ATP13A2: variants seen among roughly 807,000 people sequenced by gnomAD.
ATP13A2 encodes the protein polyamine-transporting ATPase 13A2.
ATP13A2 carries 83 observed loss-of-function variants against 138.3 expected under a neutral mutation model. That is an observed-to-expected ratio of 0.60 (90% CI 0.50 to 0.72). ATP13A2 has a LOEUF of 0.72. Among genes scored for constraint, ATP13A2 ranks in the 30% least tolerant of loss-of-function variants. The probability of loss-of-function intolerance (pLI) is 0.00; values close to 1 mark genes in which losing one functional copy is unlikely to be tolerated. For synonymous variants in ATP13A2, 663 were observed against 699.0 expected (o/e 0.95, Z 0.81); for missense variants, 1,402 against 1,606.4 (o/e 0.87, Z 2.17).
At chr1:16,989,618 G>T in intron 23 of ATP13A2, 73 bp downstream of exon 23, 1 of 1,491,334 alleles carries the variant, frequency 6.7e-7, no homozygotes, top group Non-Finnish European at 9.3e-7. Flanking sequence ...CCCTGGGGAA[G>T]GACAGATGAA....
At position 16,993,704 on chromosome 1, in the gene ATP13A2, G is replaced by A; in HGVS notation, c.1674C>T (p.Cys558=). The A allele has an allele frequency of 6.3e-7, 1 of 1,595,474 alleles. No individual in the cohort carries two copies. The highest frequency in any genetic ancestry group is 8.5e-7 in the Non-Finnish European group (1 of 1,171,730). ...VGPLLRALAT[C]HALSRLQDTP... ...TGTCCTGGAGCCGGCTGAGGGCATGGCAGGTGGCCAGTGCTCGGAGCAGGG... is the reference window on the plus strand; with the variant it reads ...TGTCCTGGAGCCGGCTGAGGGCATGACAGGTGGCCAGTGCTCGGAGCAGGG... The change falls in exon 16 of 29, where the codon TGC becomes TGT. Residue 558 remains cysteine (C), a synonymous_variant. Coordinates refer to ENST00000326735, the MANE Select transcript of ATP13A2 (RefSeq NM_022089.4).
chr1:16,998,166 C>T (rs2077213027), intron 11 of ATP13A2, among the ~76,000 whole-genome samples: 1 of 152,196 alleles, frequency 6.6e-6, no homozygotes, highest in Non-Finnish European at 1.5e-5. Flanking sequence ...GGGCAGGGCT[C>T]AGGGCGTGTG....
intron 11 of ATP13A2, among the ~76,000 whole-genome samples, chr1:16,997,429 C>CA (rs2077179583): frequency 1.2e-5 from 1 of 86,094 alleles, no homozygotes; most frequent in African/African-American, 5.4e-5. Context: ...GGGGGTGGGT[C>CA]AGACAGAGCA....
chr1:16,988,139 G>C lies in ATP13A2; in HGVS notation c.2858C>G (p.Thr953Arg), dbSNP rs148721722. The C allele has an allele frequency of 6.2e-7, 1 of 1,612,428 alleles. No individual in the cohort carries two copies. The highest frequency in any genetic ancestry group is 8.5e-7 in the Non-Finnish European group (1 of 1,178,498). ...TQFISVLILY[T>R]INTNLGDLQF... is the part of the protein sequence containing the mutation. Reference sequence around the variant, plus strand: ...GTACGGAGCTCTGCAGATACTCACCGTGTAGAGGATCAGGACGGAGATGAA... The same window carrying C: ...GTACGGAGCTCTGCAGATACTCACCCTGTAGAGGATCAGGACGGAGATGAA... The change falls in exon 25 of 29, where the codon ACG becomes AGG. Residue 953 changes from threonine to arginine, a missense_variant and splice_region_variant. By Grantham distance (71) the Thr-to-Arg change is moderately conservative. Transcript: ENST00000326735.
intron 3 of ATP13A2, 28 bp downstream of exon 3, chr1:17,005,337 TGCGCTTCTC>T: frequency 1.3e-6 from 2 of 1,565,408 alleles, no homozygotes; most frequent in Middle Eastern, 2.0e-4. Flanking sequence ...TGACCCTCAC[TGCGCTTCTC>T]TAGCCCCAGG....
Position 16,993,738 on chromosome 1 carries a change from G to A in ATP13A2, c.1640C>T (p.Pro547Leu), listed in dbSNP as rs1389132088. 1 of 1,591,370 alleles carries A rather than the reference G, an allele frequency of 6.3e-7. No individual in the cohort carries two copies. Among genetic ancestry groups the A allele is most frequent in the Non-Finnish European group, 8.5e-7 (1 of 1,169,874 alleles). Reference protein sequence around the residue: ...LPLVPEPRRLPVGPLLRALAT... With the variant: ...LPLVPEPRRLLVGPLLRALAT... ...CAGTGCTCGGAGCAGGGGCCCCACAGGCAGGCGGCGAGGCTCTGGGACCAG... is the reference window on the plus strand; with the variant it reads ...CAGTGCTCGGAGCAGGGGCCCCACAAGCAGGCGGCGAGGCTCTGGGACCAG... Residue 547 changes from proline to leucine, a missense_variant, in exon 16 of 29, where the codon CCT becomes CTT. Physicochemically the swap from Pro to Leu is moderately conservative, Grantham distance 98. Coordinates refer to ENST00000326735, the MANE Select transcript of ATP13A2 (RefSeq NM_022089.4).
intron 8 of ATP13A2, 30 bp downstream of exon 8, chr1:17,002,004 G>A (rs1199567719): frequency 6.3e-7 from 1 of 1,597,110 alleles, no homozygotes; most frequent in Non-Finnish European, 8.5e-7. Context: ...CGCCAGGCAG[G>A]GCTGGGGCAA....
chr1:17,007,476 C>T lies in ATP13A2; in HGVS notation c.11-1698G>A, dbSNP rs1000804867. 9.3e-5 allele frequency among the ~76,000 whole-genome samples: 14 copies of T among 151,226 alleles called. 1 individual carries two copies. The highest frequency in any genetic ancestry group is 3.3e-4 in the Admixed American group (5 of 15,184). The stretch of plus-strand genomic sequence containing the variant: ...AGCTCACTAAGCTGGAAAAGCTGGG[C>T]GGGTGCGGGGTAGGCTGCTGATTTT... On this transcript the variant is annotated intron_variant, in intron 1 of 28. Coordinates refer to ENST00000326735, the MANE Select transcript of ATP13A2 (RefSeq NM_022089.4).
rs367745335 is a variant in ATP13A2, at chr1:17,005,465, C to T, written c.197G>A (p.Arg66His). The T allele has an allele frequency of 8.5e-5, 137 of 1,614,086 alleles. No homozygotes were observed. Among genetic ancestry groups the T allele is most frequent in the Non-Finnish European group, 1.0e-4 (122 of 1,180,046 alleles). Residue 66 changes from arginine (R) to histidine (H), a missense_variant, in exon 3 of 29, where the codon CGT (arginine) becomes CAT (histidine). Arg to His is a conservative substitution (Grantham distance 29, BLOSUM62 0). Transcript: ENST00000326735. ...MMAGIPLLLF[R>H]WKPLWGVRLR... is the part of the protein sequence containing the mutation. ...CCGCACCCCCCACAGGGGCTTCCAA[C>T]GGAAGAGCAGCAAAGGGATCCCAGC...
intron 12 of ATP13A2, 108 bp from the exon 13 acceptor site, chr1:16,996,604 T>C (rs1321593404): frequency 1.1e-6 from 1 of 882,984 alleles, no homozygotes; most frequent in East Asian, 2.6e-5. Context: ...ACATGATGTT[T>C]GTGAAATTAG....
intron 25 of ATP13A2, 64 bp from the exon 26 acceptor site, chr1:16,987,333 T>G: frequency 6.7e-7 from 1 of 1,487,854 alleles, no homozygotes; most frequent in East Asian, 2.4e-5. Flanking sequence ...CCTAGTCTGA[T>G]AGCAGAGGCC....
intron 11 of ATP13A2, among the ~76,000 whole-genome samples, chr1:16,999,298 T>C (rs1435582793): frequency 1.4e-5 from 2 of 146,018 alleles, no homozygotes; most frequent in African/African-American, 2.6e-5. Context: ...GAGAATCGCT[T>C]GAACCCAGGA....
In ATP13A2 at chr1:16,996,014, T is replaced by G. The variant is rs773844077; in HGVS notation, c.1504A>C (p.Asn502His). The change falls in exon 15 of 29, where the codon AAC becomes CAC. Residue 502 changes from asparagine to histidine, a missense_variant. Coordinates refer to ENST00000326735, the MANE Select transcript of ATP13A2 (RefSeq NM_022089.4). The stretch of plus-strand genomic sequence containing the variant: ...ACCAGCTGCAGCTTGCCCCCCAGGT[T>G]GATGCGCAGTGGGTGGATGCAGAAA... ...GIFCIHPLRI[N>H]LGGKLQLVCF... 6.2e-7 allele frequency: 1 copy of G among 1,614,076 alleles called. No homozygotes were observed. The highest frequency in any genetic ancestry group is 1.1e-5 in the South Asian group (1 of 91,088).
intron 1 of ATP13A2, among the ~76,000 whole-genome samples, chr1:17,010,083 T>TC (rs377345453): frequency 0.012 from 1,656 of 136,430 alleles, 22 homozygotes; most frequent in African/African-American, 0.033. Context: ...GATGGAGTCT[T>TC]CCCCCCCCGT....
rs772806062 is a variant in ATP13A2, at chr1:16,992,012, G to A, written c.2123C>T (p.Thr708Met). ...VPSLEAAQQL[T>M]RDTVEGDLSL... The stretch of plus-strand genomic sequence containing the variant: ...GTGGGACAGGAGACAGGCCCACCTC[G>A]TCAGTTGCTGGGCTGCCTCCAGGCT... Residue 708 changes from threonine to methionine, a missense_variant, in exon 19 of 29, where the codon ACG (threonine) becomes ATG (methionine). Physicochemically the swap from Thr to Met is moderately conservative, Grantham distance 81 (BLOSUM62 -1). Transcript: ENST00000326735. 23 of 1,612,354 alleles carry A rather than the reference G, an allele frequency of 1.4e-5. No homozygotes were observed. The highest frequency in any genetic ancestry group is 4.0e-5 in the African/African-American group (3 of 74,924).
At position 16,999,217 on chromosome 1, in the gene ATP13A2, C is replaced by T. The variant is rs569748873; in HGVS notation, c.1039+794G>A. ...CCAACGTGGTGAAACCCCATCTCAA[C>T]TAAAAATACAAAATTAGCCGGGTAT... On this transcript the variant is annotated intron_variant, in intron 11 of 28. Transcript: ENST00000326735. Among the ~76,000 whole-genome samples, 6 of 151,828 alleles carry T rather than the reference C, an allele frequency of 4.0e-5. No individual in the cohort carries two copies. The South Asian group carries it at 1.0e-3, about 26-fold the overall frequency.
At position 16,989,947 on chromosome 1, in the gene ATP13A2, C is replaced by G; in HGVS notation, c.2469G>C (p.Leu823=). 3 of 1,604,538 alleles carry G rather than the reference C, an allele frequency of 1.9e-6. 1 individual carries two copies. In the South Asian group the frequency reaches 3.3e-5, roughly 18 times the overall value. The change falls in exon 22 of 29, where the codon CTG becomes CTC. Residue 823 remains leucine, a synonymous_variant. Transcript: ENST00000326735. ...TVEPDPRSRH[L]ALSGPTFGII... ...TACCAAAGGTGGGCCCGCTGAGGGC[C>G]AGGTGCCTGGATCGGGGGTCTGGCT...
Position 17,011,001 on chromosome 1 carries a change from C to A in ATP13A2, c.10+728G>T, listed in dbSNP as rs1472932944. On this transcript the variant is annotated intron_variant, in intron 1 of 28. Transcript: ENST00000326735. The surrounding 1 kb of genome is among the most constrained non-coding windows in gnomAD (Gnocchi z 7.3). ...CTGTCTTTCCTCATTCCTTCCCCTC[C>A]CTCGCCGGGGGGTGCACTCTAGGCT... Among the ~76,000 whole-genome samples the A allele has an allele frequency of 6.6e-6, 1 of 152,120 alleles. No individual in the cohort carries two copies. Among genetic ancestry groups the A allele is most frequent in the African/African-American group, 2.4e-5 (1 of 41,428 alleles).
chr1:17,004,640 C>T lies in ATP13A2; in HGVS notation c.477+52G>A, dbSNP rs997322683. 6.2e-7 allele frequency: 1 copy of T among 1,613,808 alleles called. No individual in the cohort carries two copies. Among genetic ancestry groups the T allele is most frequent in the Middle Eastern group, 1.6e-4 (1 of 6,062 alleles). On this transcript the variant is annotated intron_variant, in intron 5 of 28. Transcript: ENST00000326735. This position sits in a 1 kb window ranked among gnomAD's most constrained non-coding sequence, Gnocchi z 4.1. ...CATGAAGTCTGACTCTCCCATTGCA[C>T]AGATCATGAAACCGAGGCCGAGAGA...
Sources: gnomAD v4.1 joint callset for allele counts (sites outside exome capture counted in the v4.1 genomes callset) on GRCh38, gnomAD v4.1.1 for gene constraint, Gnocchi (gnomAD v3.1) non-coding constraint, MANE v1.5 for transcripts, NCBI Gene and HGNC (gene_info 2026-07-23, HGNC 2026-07-21) for gene names.